The following ZNF148 variants were observed in gnomAD, a reference collection of about 807,000 sequenced individuals.
ZNF148 encodes the protein zinc finger protein 148.
A neutral mutation model predicts 67.7 loss-of-function variants in ZNF148; 7 were observed. The observed-to-expected ratio is 0.10, with a 90% confidence interval of 0.06 to 0.19. The LOEUF is 0.19. Among genes scored for constraint, ZNF148 ranks in the 10% least tolerant of loss-of-function variants. ZNF148 has a pLI of 1.00. For synonymous variants in ZNF148, 333 were observed against 330.7 expected, an observed-to-expected ratio of 1.01 and a Z score of -0.08; for missense variants, 583 against 947.1, an observed-to-expected ratio of 0.62 and a Z score of 5.05.
intron 4 of ZNF148, among the ~76,000 whole-genome samples, chr3:125,300,143 T>C (rs912061382): frequency 2.0e-5 from 3 of 152,088 alleles, no homozygotes; most frequent in African/African-American, 7.2e-5. Context: ...GCCTAATTTT[T>C]GTATTTTTAG....
chr3:125,300,969 T>C (rs555027762), intron 4 of ZNF148, among the ~76,000 whole-genome samples: 5 of 150,912 alleles, frequency 3.3e-5, no homozygotes, highest in Admixed American at 3.3e-4. Flanking sequence ...GTTTTTTTAA[T>C]TGCTGAAATA....
intron 2 of ZNF148, among the ~76,000 whole-genome samples, chr3:125,325,143 T>C (rs1940964655): frequency 6.6e-6 from 1 of 152,094 alleles, no homozygotes; most frequent in Non-Finnish European, 1.5e-5. Context: ...AATCAACAAA[T>C]AAGAGATCTT....
intron 7 of ZNF148, among the ~76,000 whole-genome samples, chr3:125,237,966 G>C (rs1405649121): frequency 6.6e-6 from 1 of 152,094 alleles, no homozygotes; most frequent in African/African-American, 2.4e-5. Flanking sequence ...AAAATTCAGA[G>C]TCCAAAAGTA....
chr3:125,339,496 G>A (rs1452751528), intron 1 of ZNF148, among the ~76,000 whole-genome samples: 1 of 152,198 alleles, frequency 6.6e-6, no homozygotes, highest in Non-Finnish European at 1.5e-5. Flanking sequence ...CTGTTTATGT[G>A]TAGACGCACA....
rs1297328124 is a variant in ZNF148, at chr3:125,325,882, T to C, written c.-152-2438A>G. On this transcript the variant is annotated intron_variant, in intron 2 of 8. Transcript: ENST00000360647. Reference sequence around the variant, plus strand: ...ACACCTGGACACAACATAGTCAAACTTGTTGAAAGCAAACCCAAGGAGAAA... The same window carrying C: ...ACACCTGGACACAACATAGTCAAACCTGTTGAAAGCAAACCCAAGGAGAAA... Among the ~76,000 whole-genome samples, 3 of 152,254 alleles carry C rather than the reference T, an allele frequency of 2.0e-5. No individual in the cohort carries two copies. The East Asian group carries it at 5.8e-4, about 29-fold the overall frequency.
chr3:125,290,494 A>C (rs1938950691), intron 4 of ZNF148, among the ~76,000 whole-genome samples: 1 of 152,178 alleles, frequency 6.6e-6, no homozygotes, highest in African/African-American at 2.4e-5. Flanking sequence ...ATAAAGTCTT[A>C]CTTTTATATT....
chr3:125,358,564 C>T lies in ZNF148; in HGVS notation c.-234+16538G>A, dbSNP rs1451177246. The stretch of plus-strand genomic sequence containing the variant: ...GCATCTATTCCAGAAGCCCCTATGG[C>T]TACAGAAAAATCTGTTTCCTAGGCT... On this transcript the variant is annotated intron_variant, in intron 1 of 8. Coordinates refer to ENST00000360647, the MANE Select transcript of ZNF148 (RefSeq NM_021964.3). Among the ~76,000 whole-genome samples the T allele has an allele frequency of 3.3e-5, 5 of 152,328 alleles. No individual in the cohort carries two copies. In the East Asian group the frequency reaches 7.7e-4, roughly 23 times the overall value.
At chr3:125,277,856 G>A (rs372477515) in intron 6 of ZNF148, 47 bp from the exon 7 acceptor site, 58 of 1,485,130 alleles carry the variant, frequency 3.9e-5, no homozygotes, top group African/African-American at 3.7e-4. Flanking sequence ...ATAAAACAAC[G>A]GTTTTTAGTT....
At chr3:125,238,379 A>G (rs1025823367) in intron 7 of ZNF148, among the ~76,000 whole-genome samples, 6 of 152,066 alleles carry the variant, frequency 3.9e-5, no homozygotes, top group Non-Finnish European at 7.4e-5. Context: ...TGTAATCTCA[A>G]CACTTTGGGA....
At chr3:125,336,636 TAACCAAC>T (rs1445605417) in intron 1 of ZNF148, among the ~76,000 whole-genome samples, 5 of 149,974 alleles carry the variant, frequency 3.3e-5, no homozygotes, top group Admixed American at 1.3e-4. Context: ...ATCCCAAGGA[TAACCAAC>T]CAATAAACTC....
chr3:125,361,330 T>A lies in ZNF148; in HGVS notation c.-234+13772A>T, dbSNP rs76866086. Reference sequence around the variant, plus strand: ...GAGTCACATTACTCACTGAAACCATTCCTTCTGCAACATCTACCAACCTCC... The same window carrying A: ...GAGTCACATTACTCACTGAAACCATACCTTCTGCAACATCTACCAACCTCC... On this transcript the variant is annotated intron_variant, in intron 1 of 8. Transcript: ENST00000360647. Among the ~76,000 whole-genome samples the A allele has an allele frequency of 8.2e-4, 124 of 152,136 alleles. 1 individual carries two copies. The East Asian group carries it at 0.021, about 25-fold the overall frequency.
intron 4 of ZNF148, among the ~76,000 whole-genome samples, chr3:125,305,771 C>T (rs1453008227): frequency 2.7e-5 from 4 of 150,856 alleles, no homozygotes; most frequent in African/African-American, 9.7e-5. Context: ...CATGATCACA[C>T]CACTGCACAC....
intron 1 of ZNF148, among the ~76,000 whole-genome samples, chr3:125,372,523 T>C (rs944672458): frequency 2.1e-4 from 32 of 152,356 alleles, no homozygotes; most frequent in East Asian, 3.9e-4. Context: ...TAATATTATA[T>C]GCCCATTACT....
At chr3:125,324,406 G>C (rs754188700) in intron 2 of ZNF148, among the ~76,000 whole-genome samples, 22 of 152,102 alleles carry the variant, frequency 1.4e-4, no homozygotes, top group Non-Finnish European at 2.9e-4. Flanking sequence ...TTCCCAGCAA[G>C]ATTACCAGTG....
intron 1 of ZNF148, among the ~76,000 whole-genome samples, chr3:125,338,634 T>C (rs1424432036): frequency 8.7e-6 from 1 of 114,522 alleles, no homozygotes; most frequent in Non-Finnish European, 1.6e-5. Flanking sequence ...CACTCCAGAC[T>C]GAGTGACAGA....
chr3:125,299,423 G>T (rs1939467049), intron 4 of ZNF148, among the ~76,000 whole-genome samples: 1 of 152,228 alleles, frequency 6.6e-6, no homozygotes, highest in South Asian at 2.1e-4. Flanking sequence ...CCAACACTTT[G>T]AGAGGCTGAG....
chr3:125,294,887 C>T (rs570096484), intron 4 of ZNF148, among the ~76,000 whole-genome samples: 8 of 152,200 alleles, frequency 5.3e-5, no homozygotes, highest in African/African-American at 1.9e-4. Context: ...CTTTCTTATC[C>T]TCATGTTACC....
At chr3:125,372,753 G>C (rs1299617158) in intron 1 of ZNF148, among the ~76,000 whole-genome samples, 2 of 152,126 alleles carry the variant, frequency 1.3e-5, no homozygotes, top group Non-Finnish European at 2.9e-5. Context: ...GATCACTTGA[G>C]GTCAGGAGTT....
intron 7 of ZNF148, 105 bp downstream of exon 7, chr3:125,277,621 C>G (rs953753881): frequency 2.2e-6 from 2 of 919,662 alleles, no homozygotes; most frequent in East Asian, 5.4e-5. Flanking sequence ...GATTTATAGT[C>G]TAAACCAATG....
Sources: allele counts gnomAD v4.1 joint callset (sites outside exome capture counted in the v4.1 genomes callset), GRCh38; gene constraint gnomAD v4.1.1; transcripts MANE v1.5; gene names NCBI Gene and HGNC (gene_info 2026-07-23, HGNC 2026-07-21).